GRID2: variants seen among roughly 807,000 people sequenced by gnomAD.
GRID2 encodes the protein glutamate ionotropic receptor delta type subunit 2, also known as glutamate receptor ionotropic, delta-2.
In GRID2, 33 loss-of-function variants were observed where a neutral mutation model predicts 114.8. The observed-to-expected ratio is 0.29, with a 90% CI of 0.22 to 0.38. GRID2 has a LOEUF of 0.38. GRID2 is among the 10% of genes least tolerant of loss of function. GRID2 has a pLI of 1.00. For synonymous variants in GRID2, 505 were observed against 449.9 expected (o/e 1.12, Z -1.55); for missense variants, 1,184 against 1,257.7 (o/e 0.94, Z 0.89).
intron 2 of GRID2, among the ~76,000 whole-genome samples, chr4:92,883,706 A>G (rs1430804953): frequency 1.3e-5 from 2 of 152,188 alleles, no homozygotes; most frequent in Non-Finnish European, 2.9e-5. Flanking sequence ...GACCAGGCGC[A>G]TTGTCAATGA....
intron 7 of GRID2, among the ~76,000 whole-genome samples, chr4:93,228,542 G>A (rs1207408229): frequency 6.6e-6 from 1 of 152,030 alleles, no homozygotes; most frequent in Non-Finnish European, 1.5e-5. Context: ...TGAGAATTTT[G>A]GCTGTTATCA....
At chr4:92,465,435 G>A (rs535632802) in intron 1 of GRID2, among the ~76,000 whole-genome samples, 37 of 151,954 alleles carry the variant, frequency 2.4e-4, no homozygotes, top group Middle Eastern at 3.4e-3. Flanking sequence ...TTATTTCACC[G>A]GATTGCTTAA....
chr4:92,403,215 CA>C (rs1253308773), intron 1 of GRID2, among the ~76,000 whole-genome samples: 2 of 152,136 alleles, frequency 1.3e-5, no homozygotes, highest in Non-Finnish European at 2.9e-5. Context: ...AAACTTTCTT[CA>C]TATCAGGAAG....
intron 2 of GRID2, among the ~76,000 whole-genome samples, chr4:92,983,808 A>G (rs1171498354): frequency 6.6e-6 from 1 of 152,068 alleles, no homozygotes; most frequent in Admixed American, 6.6e-5. Flanking sequence ...GGGCACACTG[A>G]AATAAAGGTA....
intron 13 of GRID2, among the ~76,000 whole-genome samples, chr4:93,571,083 T>C (rs1009016374): frequency 3.3e-5 from 5 of 152,146 alleles, no homozygotes; most frequent in Admixed American, 2.6e-4. Flanking sequence ...ATAAGTTTCT[T>C]TGAAGAAGTT....
chr4:92,999,857 G>A (rs1409947991), intron 2 of GRID2, among the ~76,000 whole-genome samples: 1 of 151,426 alleles, frequency 6.6e-6, no homozygotes, highest in African/African-American at 2.4e-5. Context: ...ATTTTCATTA[G>A]AGATATATTT....
At chr4:92,945,028 T>G (rs867406532) in intron 2 of GRID2, among the ~76,000 whole-genome samples, 3 of 152,324 alleles carry the variant, frequency 2.0e-5, no homozygotes, top group South Asian at 4.1e-4. Context: ...ATTCTTCAGT[T>G]ACATTCAGTG....
In GRID2 at chr4:93,092,825, T is replaced by TATATATAC. The variant is rs1446639459; in HGVS notation, c.529+7558_529+7565dup. Among the ~76,000 whole-genome samples the TATATATAC allele has an allele frequency of 5.3e-4, 81 of 152,024 alleles. 1 individual carries two copies. The Middle Eastern group carries it at 0.024, about 45-fold the overall frequency. Reference sequence around the variant, plus strand: ...ACAACAGATCAGCAGTCATAATGTGTATATATACATATATACATACACACA... The same window carrying TATATATAC: ...ACAACAGATCAGCAGTCATAATGTGTATATATACATATATACATATATACATACACACA... On this transcript the variant is annotated intron_variant, in intron 3 of 15. Coordinates refer to ENST00000282020, the MANE Select transcript of GRID2 (RefSeq NM_001510.4).
intron 8 of GRID2, among the ~76,000 whole-genome samples, chr4:93,327,410 A>G (rs1301081994): frequency 1.3e-5 from 2 of 152,170 alleles, no homozygotes; most frequent in Non-Finnish European, 2.9e-5. Context: ...CCTAAAAATT[A>G]TCTTATTCTC....
intron 2 of GRID2, among the ~76,000 whole-genome samples, chr4:92,892,439 C>A (rs559090707): frequency 6.6e-6 from 1 of 151,984 alleles, no homozygotes; most frequent in South Asian, 2.1e-4. Context: ...TAAATGATTT[C>A]AAATACATTG....
At chr4:93,151,605 A>G (rs1306469355) in intron 4 of GRID2, among the ~76,000 whole-genome samples, 1 of 152,164 alleles carries the variant, frequency 6.6e-6, no homozygotes, top group African/African-American at 2.4e-5. Flanking sequence ...CAAACTATGA[A>G]TAGAAGAAAA....
At chr4:93,688,890 TA>T (rs1726303656) in intron 14 of GRID2, among the ~76,000 whole-genome samples, 2 of 152,078 alleles carry the variant, frequency 1.3e-5, no homozygotes, top group South Asian at 2.1e-4. Flanking sequence ...AAGTTCTCAT[TA>T]CTTGTTACAG....
chr4:92,546,891 C>T (rs1726290044), intron 1 of GRID2, among the ~76,000 whole-genome samples: 1 of 152,178 alleles, frequency 6.6e-6, no homozygotes, highest in Non-Finnish European at 1.5e-5. Flanking sequence ...CATGGATGCT[C>T]ATAGCTAAAC....
At chr4:93,519,475 C>G (rs1449854610) in intron 13 of GRID2, among the ~76,000 whole-genome samples, 1 of 152,106 alleles carries the variant, frequency 6.6e-6, no homozygotes, top group African/African-American at 2.4e-5. Context: ...AGGACATAAA[C>G]AGATACAGCT....
At chr4:93,027,321 T>G (rs914579719) in intron 2 of GRID2, among the ~76,000 whole-genome samples, 11 of 152,230 alleles carry the variant, frequency 7.2e-5, no homozygotes, top group African/African-American at 2.4e-4. Context: ...TCACACTTTA[T>G]TACTAACTTC....
At chr4:93,746,922 A>G (rs1731890403) in intron 14 of GRID2, among the ~76,000 whole-genome samples, 1 of 152,100 alleles carries the variant, frequency 6.6e-6, no homozygotes, top group Admixed American at 6.5e-5. Context: ...GGCAAATGTC[A>G]CAGATTTTTT....
intron 2 of GRID2, among the ~76,000 whole-genome samples, chr4:93,007,370 C>T (rs1315013688): frequency 6.6e-6 from 1 of 151,814 alleles, no homozygotes; most frequent in East Asian, 1.9e-4. Flanking sequence ...GACTTTCAGG[C>T]AAACAGATCA....
chr4:92,383,022 G>C (rs1473079897), intron 1 of GRID2, among the ~76,000 whole-genome samples: 1 of 151,984 alleles, frequency 6.6e-6, no homozygotes, highest in Non-Finnish European at 1.5e-5. Flanking sequence ...GAGGAAGATG[G>C]AGGAGTAGCC....
intron 2 of GRID2, among the ~76,000 whole-genome samples, chr4:93,015,045 A>C (rs942544811): frequency 6.6e-6 from 1 of 152,164 alleles, no homozygotes; most frequent in Admixed American, 6.6e-5. Flanking sequence ...TGACCAACAG[A>C]ATTTGTTAAA....
Sources: gnomAD v4.1 joint callset for allele counts (sites outside exome capture counted in the v4.1 genomes callset) on GRCh38, gnomAD v4.1.1 for gene constraint, MANE v1.5 for transcripts, NCBI Gene and HGNC (gene_info 2026-07-23, HGNC 2026-07-21) for gene names.